CCDC102B: variants seen among roughly 807,000 people sequenced by gnomAD.
The protein encoded by CCDC102B is coiled-coil domain-containing protein 102B.
A neutral mutation model predicts 57.4 loss-of-function variants in CCDC102B; 75 were observed. The observed-to-expected ratio is 1.31, with a 90% CI of 1.08 to 1.58. The LOEUF (loss-of-function observed/expected upper bound fraction) is 1.58, where lower values mean the gene tolerates loss of function less well. CCDC102B is among the 40% of genes most tolerant of loss of function. The pLI, the probability that CCDC102B is intolerant of heterozygous loss-of-function variation, is 0.00. For missense variants in CCDC102B, 636 were observed against 582.6 expected (o/e 1.09, Z -0.94); for synonymous variants, 206 against 201.9 (o/e 1.02, Z -0.17).
intron 2 of CCDC102B, among the ~76,000 whole-genome samples, chr18:68,725,144 G>A (rs1008792262): frequency 5.9e-5 from 9 of 152,112 alleles, no homozygotes; most frequent in Non-Finnish European, 1.0e-4. Context: ...CAGAGAAATT[G>A]CTTTCATGAT....
chr18:68,949,225 C>G (rs1310669395), intron 6 of CCDC102B, among the ~76,000 whole-genome samples: 2 of 152,074 alleles, frequency 1.3e-5, no homozygotes. Context: ...ACAGACACAC[C>G]CAGGATCAAT....
chr18:68,953,036 A>C (rs2049743272), intron 6 of CCDC102B, among the ~76,000 whole-genome samples: 1 of 152,130 alleles, frequency 6.6e-6, no homozygotes, highest in African/African-American at 2.4e-5. Context: ...GGGATATTTT[A>C]AAGGAATCAA....
intron 6 of CCDC102B, among the ~76,000 whole-genome samples, chr18:68,971,932 A>G (rs1722624204): frequency 6.6e-6 from 1 of 152,114 alleles, no homozygotes; most frequent in South Asian, 2.1e-4. Flanking sequence ...CCTTCACTTC[A>G]TCTCCTCCTC....
intron 1 of CCDC102B, among the ~76,000 whole-genome samples, chr18:68,812,910 A>G (rs2036323051): frequency 6.6e-6 from 1 of 152,134 alleles, no homozygotes; most frequent in Admixed American, 6.5e-5. Flanking sequence ...CAGGCAGAGG[A>G]AACCTGGAGA....
intron 2 of CCDC102B, among the ~76,000 whole-genome samples, chr18:68,787,917 T>C (rs2035272438): frequency 2.0e-5 from 3 of 151,202 alleles, no homozygotes; most frequent in South Asian, 4.2e-4. Context: ...TTAATTGTGA[T>C]GTTAGGGTGT....
chr18:69,035,507 CA>C (rs2052265999), intron 7 of CCDC102B, among the ~76,000 whole-genome samples: 1 of 151,934 alleles, frequency 6.6e-6, no homozygotes, highest in Non-Finnish European at 1.5e-5. Flanking sequence ...TCCATATAGG[CA>C]GTAAAAAGAT....
At chr18:68,817,141 C>T (rs1599506624) in intron 1 of CCDC102B, among the ~76,000 whole-genome samples, 1 of 152,160 alleles carries the variant, frequency 6.6e-6, no homozygotes, top group South Asian at 2.1e-4. Flanking sequence ...TATTTCAATT[C>T]TTGATGACTT....
At chr18:68,850,473 A>G (rs889326787) in intron 4 of CCDC102B, among the ~76,000 whole-genome samples, 1 of 151,978 alleles carries the variant, frequency 6.6e-6, no homozygotes, top group African/African-American at 2.4e-5. Flanking sequence ...ATTGGGAGAG[A>G]GGAAGGATTA....
intron 6 of CCDC102B, among the ~76,000 whole-genome samples, chr18:68,990,482 G>A (rs1361681979): frequency 6.6e-6 from 1 of 152,174 alleles, no homozygotes; most frequent in Non-Finnish European, 1.5e-5. Flanking sequence ...GGTAAAGCTG[G>A]ACAGAATGGA....
Position 68,938,411 on chromosome 18 carries a change from G to A in CCDC102B, c.1263+40983G>A, listed in dbSNP as rs554568454. Among the ~76,000 whole-genome samples the A allele has an allele frequency of 2.0e-5, 3 of 151,938 alleles. No homozygotes were observed. In the East Asian group the frequency reaches 5.8e-4, roughly 29 times the overall value. ...ATACAGCATTTTGTGTATGGTAAAG[G>A]CTCAGTTAAAATTAGAATTTATACA... On this transcript the variant is annotated intron_variant, in intron 6 of 7. Coordinates refer to ENST00000360242, the MANE Select transcript of CCDC102B (RefSeq NM_024781.3).
At chr18:68,881,223 G>A (rs2039683396) in intron 5 of CCDC102B, among the ~76,000 whole-genome samples, 1 of 152,146 alleles carries the variant, frequency 6.6e-6, no homozygotes, top group Non-Finnish European at 1.5e-5. Flanking sequence ...TATTTAATAT[G>A]TGCATCCTTG....
chr18:69,028,614 C>G (rs567759559), intron 7 of CCDC102B, among the ~76,000 whole-genome samples: 28 of 151,886 alleles, frequency 1.8e-4, no homozygotes, highest in Admixed American at 7.2e-4. Context: ...TGTCTGTTTG[C>G]AGAATATGGG....
At chr18:68,736,499 C>A (rs1039301830) in intron 2 of CCDC102B, among the ~76,000 whole-genome samples, 1 of 152,190 alleles carries the variant, frequency 6.6e-6, no homozygotes, top group Non-Finnish European at 1.5e-5. Context: ...GCACCGCGCA[C>A]ATCTTTATAT....
intron 5 of CCDC102B, among the ~76,000 whole-genome samples, chr18:68,877,848 G>T (rs1371096438): frequency 6.6e-6 from 1 of 152,182 alleles, no homozygotes; most frequent in Non-Finnish European, 1.5e-5. Context: ...AAAAAGGAAA[G>T]GAAAGGGCCT....
chr18:68,720,032 A>G (rs1487445360), intron 2 of CCDC102B, among the ~76,000 whole-genome samples: 1 of 152,240 alleles, frequency 6.6e-6, no homozygotes, highest in Non-Finnish European at 1.5e-5. Flanking sequence ...AACTTGGGAA[A>G]AAAGTTTTAA....
chr18:68,937,931 A>G (rs1241017192), intron 6 of CCDC102B, among the ~76,000 whole-genome samples: 4 of 152,092 alleles, frequency 2.6e-5, no homozygotes, highest in Non-Finnish European at 5.9e-5. Flanking sequence ...TGGAAAGGAC[A>G]TGAACTCATC....
At chr18:68,786,310 G>C (rs565118197) in intron 2 of CCDC102B, among the ~76,000 whole-genome samples, 1 of 150,608 alleles carries the variant, frequency 6.6e-6, no homozygotes. Context: ...GGCAATGCGG[G>C]CTCTTTTTTG....
intron 2 of CCDC102B, among the ~76,000 whole-genome samples, chr18:68,763,206 T>A (rs2034311389): frequency 6.6e-6 from 1 of 152,166 alleles, no homozygotes; most frequent in Non-Finnish European, 1.5e-5. Context: ...TGCCTGTTTT[T>A]TTAAATGAAT....
At chr18:68,730,655 A>G (rs2032817330) in intron 2 of CCDC102B, among the ~76,000 whole-genome samples, 1 of 152,186 alleles carries the variant, frequency 6.6e-6, no homozygotes, top group African/African-American at 2.4e-5. Flanking sequence ...ATGTAATCTC[A>G]CACTCGTTCA....
Sources: allele counts gnomAD v4.1 joint callset (sites outside exome capture counted in the v4.1 genomes callset), GRCh38; gene constraint gnomAD v4.1.1; transcripts MANE v1.5; gene names NCBI Gene and HGNC (gene_info 2026-07-23, HGNC 2026-07-21).